The following ZFAT variants were observed in gnomAD, a reference collection of about 807,000 sequenced individuals.
ZFAT encodes the protein zinc finger and AT-hook domain containing.
ZFAT carries 64 observed loss-of-function variants against 117.7 expected under a neutral mutation model. The ratio of observed to expected loss-of-function variants is 0.54; its 90% CI spans 0.44 to 0.67. ZFAT has a LOEUF of 0.67. ZFAT is among the 30% of genes least tolerant of loss of function. The pLI is 0.00. For missense variants in ZFAT, 1,433 were observed against 1,584.5 expected, an observed-to-expected ratio of 0.90 and a Z score of 1.62; for synonymous variants, 679 against 615.0, an observed-to-expected ratio of 1.10 and a Z score of -1.54.
chr8:134,554,687 G>A (rs1823430999), intron 11 of ZFAT, among the ~76,000 whole-genome samples: 1 of 152,188 alleles, frequency 6.6e-6, no homozygotes, highest in East Asian at 1.9e-4. Context: ...GCCCGGGGTG[G>A]AGCTGGAGAG....
the ZFAT span, among the ~76,000 whole-genome samples, chr8:134,746,715 A>T: frequency 6.6e-6 from 1 of 152,188 alleles, no homozygotes; most frequent in African/African-American, 2.4e-5. Flanking sequence ...GTTCATAAGT[A>T]AGTTTTTTAG....
intron 1 of ZFAT, among the ~76,000 whole-genome samples, chr8:134,668,531 C>A (rs1282436325): frequency 6.6e-6 from 1 of 152,262 alleles, no homozygotes; most frequent in East Asian, 1.9e-4. Flanking sequence ...AACAGACCTG[C>A]AGCTGAGGGT....
chr8:134,719,682 A>T, the ZFAT span, among the ~76,000 whole-genome samples: 1 of 152,226 alleles, frequency 6.6e-6, no homozygotes, highest in Non-Finnish European at 1.5e-5. Context: ...GCAGTAACAG[A>T]GGCAGAAAAA....
chr8:134,750,307 A>AATGTTGAATAGAGAAATACG, the ZFAT span, among the ~76,000 whole-genome samples: 1 of 152,124 alleles, frequency 6.6e-6, no homozygotes, highest in East Asian at 1.9e-4. Context: ...AGAGAAATAC[A>AATGTTGAATAGAGAAATACG]ATGTTTTTTG....
chr8:134,644,055 A>G (rs1420718929), intron 2 of ZFAT, among the ~76,000 whole-genome samples: 1 of 152,192 alleles, frequency 6.6e-6, no homozygotes, highest in Non-Finnish European at 1.5e-5. Flanking sequence ...TTACCCTCAC[A>G]TTAGAGGACG....
chr8:134,767,027 C>T, the ZFAT span: 1 of 152,180 alleles, frequency 6.6e-6, no homozygotes, highest in Non-Finnish European at 1.5e-5. Context: ...CATCCCCAAA[C>T]AATACCACAA....
the ZFAT span, among the ~76,000 whole-genome samples, chr8:134,736,922 T>C: frequency 6.6e-6 from 1 of 152,098 alleles, no homozygotes; most frequent in African/African-American, 2.4e-5. Flanking sequence ...TATATAGAGG[T>C]TCTGCGTAGG....
the ZFAT span, chr8:134,796,474 G>A: frequency 4.6e-5 from 7 of 152,222 alleles, no homozygotes; most frequent in African/African-American, 1.7e-4. Flanking sequence ...CATTTGGTGA[G>A]AGAAGTGTTG....
intron 15 of ZFAT, among the ~76,000 whole-genome samples, chr8:134,486,757 A>G (rs1044004422): frequency 4.6e-5 from 7 of 152,212 alleles, no homozygotes; most frequent in African/African-American, 1.7e-4. Flanking sequence ...CAGAGAATGT[A>G]GTGAGCACCA....
chr8:134,606,788 A>G (rs1207646256), intron 5 of ZFAT, among the ~76,000 whole-genome samples: 8 of 152,100 alleles, frequency 5.3e-5, no homozygotes, highest in Admixed American at 5.2e-4. Context: ...TAAAATATAA[A>G]CTCAATTTTA....
At chr8:134,490,482 T>G (rs186426023) in intron 15 of ZFAT, among the ~76,000 whole-genome samples, 89 of 152,252 alleles carry the variant, frequency 5.8e-4, no homozygotes, top group African/African-American at 2.1e-3. Flanking sequence ...CGATGTCTGG[T>G]CTACAGAATA....
the ZFAT span, among the ~76,000 whole-genome samples, chr8:134,772,990 G>A: frequency 6.6e-6 from 1 of 151,916 alleles, no homozygotes; most frequent in Admixed American, 6.6e-5. Context: ...TACTGGGAGG[G>A]CCGAGGTGTG....
intron 3 of ZFAT, 61 bp from the exon 4 acceptor site, chr8:134,610,716 G>C: frequency 2.5e-6 from 4 of 1,569,408 alleles, no homozygotes; most frequent in Non-Finnish European, 2.6e-6. Flanking sequence ...GAGTTGGAGG[G>C]TAAACACTAC....
At chr8:134,819,640 G>C in the ZFAT span, among the ~76,000 whole-genome samples, 29 of 151,792 alleles carry the variant, frequency 1.9e-4, no homozygotes, top group Non-Finnish European at 8.8e-5. Flanking sequence ...TATTCCACTT[G>C]TCCCTTAAAT....
intron 1 of ZFAT, among the ~76,000 whole-genome samples, chr8:134,711,691 G>A (rs940565516): frequency 2.6e-5 from 4 of 152,116 alleles, no homozygotes; most frequent in African/African-American, 7.2e-5. Flanking sequence ...CCCAATATTC[G>A]GCTCTGGGCC....
Position 134,590,289 on chromosome 8 carries a change from G to A in ZFAT, c.2542C>T (p.His848Tyr). 6.2e-7 allele frequency: 1 copy of A among 1,613,160 alleles called. No individual in the cohort carries two copies. Among genetic ancestry groups the A allele is most frequent in the Non-Finnish European group, 8.5e-7 (1 of 1,179,222 alleles). ...SFSEDRLIKSHIKTNHPEVSM... is the reference protein window; with the variant it reads ...SFSEDRLIKSYIKTNHPEVSM... ...TTACCAGGATGGTTGGTCTTGATAT[G>A]TGACTTTATCAATCGATCCTCTGAA... Residue 848 changes from histidine to tyrosine, a missense_variant, in exon 8 of 16, where the codon CAT becomes TAT. Around this residue, in one of 5 missense-constraint regions of ZFAT, gnomAD observed 503 missense variants for 543.4 expected, o/e 0.93. Transcript: ENST00000377838.
At position 134,601,892 on chromosome 8, in the gene ZFAT, A is replaced by G; in HGVS notation, c.1827T>C (p.His609=). The G allele has an allele frequency of 6.2e-7, 1 of 1,613,828 alleles. No homozygotes were observed. Among genetic ancestry groups the G allele is most frequent in the South Asian group, 1.1e-5 (1 of 90,968 alleles). Residue 609 remains histidine (H), a synonymous_variant, in exon 6 of 16, where the codon CAT becomes CAC. Coordinates refer to ENST00000377838, the MANE Select transcript of ZFAT (RefSeq NM_020863.4). The part of the protein sequence containing the change: ...LKNDTSSAEA[H]AAPEKPPDMQ... Reference sequence around the variant, plus strand: ...TGTCTGGGGGCTTCTCAGGAGCAGCATGAGCCTCTGCGGAGGAGGTATCAT... The same window carrying G: ...TGTCTGGGGGCTTCTCAGGAGCAGCGTGAGCCTCTGCGGAGGAGGTATCAT...
the ZFAT span, among the ~76,000 whole-genome samples, chr8:134,761,069 A>G: frequency 2.6e-5 from 4 of 152,266 alleles, no homozygotes. Context: ...GCAGATGTCA[A>G]CAATGCACAC....
the ZFAT span, among the ~76,000 whole-genome samples, chr8:134,814,902 C>T: frequency 6.6e-6 from 1 of 152,198 alleles, no homozygotes; most frequent in Admixed American, 6.5e-5. Context: ...TCTCATTCCA[C>T]ATTTTGCCTC....
Sources: gnomAD v4.1 joint callset for allele counts (sites outside exome capture counted in the v4.1 genomes callset) on GRCh38, gnomAD v4.1.1 for gene constraint, gnomAD v4.1.1 regional missense constraint, MANE v1.5 for transcripts, NCBI Gene and HGNC (gene_info 2026-07-23, HGNC 2026-07-21) for gene names.